VPS37A: variants seen among roughly 807,000 people sequenced by gnomAD.
The protein encoded by VPS37A is vacuolar protein sorting-associated protein 37A.
A neutral mutation model predicts 49.8 loss-of-function variants in VPS37A; 30 were observed. That is an observed-to-expected ratio of 0.60 (90% CI 0.45 to 0.82). The LOEUF is 0.82. VPS37A is among the 40% of genes least tolerant of loss of function. The pLI is 0.00. For missense variants in VPS37A, 593 were observed against 464.4 expected, an observed-to-expected ratio of 1.28 and a Z score of -2.55; for synonymous variants, 195 against 160.6, an observed-to-expected ratio of 1.21 and a Z score of -1.62.
rs563708545 is a variant in VPS37A, at chr8:17,270,989, G to A, written c.416+2033G>A. On this transcript the variant is annotated intron_variant, in intron 4 of 11. Coordinates refer to ENST00000324849, the MANE Select transcript of VPS37A (RefSeq NM_152415.3). ...ACTGTACAATGGTAGAACAAGCCTC[G>A]GGTAACCACTATAGATTCCAAAAGA... is the stretch of plus-strand genomic sequence containing the variant. Among the ~76,000 whole-genome samples the A allele has an allele frequency of 1.1e-4, 17 of 152,246 alleles. No homozygotes were observed. The South Asian group carries it at 2.7e-3, about 24-fold the overall frequency.
chr8:17,292,338 C>G (rs143964626), intron 11 of VPS37A, among the ~76,000 whole-genome samples: 10,157 of 152,224 alleles, frequency 0.067, 474 homozygotes, highest in Non-Finnish European at 0.1. Flanking sequence ...TCCTCCATCC[C>G]TTTATTTTAA....
At chr8:17,250,203 A>G (rs934417243) in intron 1 of VPS37A, among the ~76,000 whole-genome samples, 1 of 152,184 alleles carries the variant, frequency 6.6e-6, no homozygotes, top group Admixed American at 6.5e-5. Context: ...GGAGGTGGTC[A>G]GAGAGAGCTT....
intron 9 of VPS37A, among the ~76,000 whole-genome samples, chr8:17,284,152 G>T (rs1050051362): frequency 3.3e-5 from 5 of 152,198 alleles, no homozygotes; most frequent in Non-Finnish European, 5.9e-5. Context: ...AGGAGGTGAG[G>T]TCATTAGTGG....
chr8:17,279,856 T>G, intron 6 of VPS37A, 172 bp from the exon 7 acceptor site: 1 of 766,934 alleles, frequency 1.3e-6, no homozygotes, highest in Non-Finnish European at 2.2e-6. Context: ...CTATGTTCCA[T>G]TGTGGTTGAT....
At chr8:17,252,289 C>G (rs1026384560) in intron 1 of VPS37A, among the ~76,000 whole-genome samples, 4 of 152,198 alleles carry the variant, frequency 2.6e-5, no homozygotes, top group African/African-American at 7.2e-5. Context: ...GTAGCTGGAA[C>G]TACAGGCACA....
Position 17,277,614 on chromosome 8 carries a change from T to C in VPS37A, c.713+1147T>C, listed in dbSNP as rs563290423. ...TTAACCCATCAATTCTTCAGTAAAT[T>C]TTTCTACCAGGTAAGGATTTTCTTT... On this transcript the variant is annotated intron_variant, in intron 6 of 11. Coordinates refer to ENST00000324849, the MANE Select transcript of VPS37A (RefSeq NM_152415.3). Among the ~76,000 whole-genome samples the C allele has an allele frequency of 6.0e-4, 92 of 152,072 alleles. 1 individual carries two copies. In the South Asian group the frequency reaches 0.018, roughly 30 times the overall value.
chr8:17,293,237 C>T (rs190538480), intron 11 of VPS37A, among the ~76,000 whole-genome samples: 48 of 151,174 alleles, frequency 3.2e-4, no homozygotes, highest in African/African-American at 1.1e-3. Context: ...TCTGCTTGAT[C>T]GATTGGGCTG....
chr8:17,285,967 A>G (rs1183978128), intron 10 of VPS37A, among the ~76,000 whole-genome samples: 2 of 152,146 alleles, frequency 1.3e-5, no homozygotes, highest in Non-Finnish European at 2.9e-5. Flanking sequence ...TATCTTCAAC[A>G]TTCAATTATT....
At chr8:17,325,683 C>T in the VPS37A span, among the ~76,000 whole-genome samples, 1 of 152,186 alleles carries the variant, frequency 6.6e-6, no homozygotes, top group South Asian at 2.1e-4. Flanking sequence ...TGAGAAAATA[C>T]CCAAAGGCCT....
the VPS37A span, among the ~76,000 whole-genome samples, chr8:17,328,395 T>TC: frequency 6.6e-6 from 1 of 152,144 alleles, no homozygotes; most frequent in South Asian, 2.1e-4. Context: ...AAGGGACTAT[T>TC]CCAGGCTCTT....
intron 11 of VPS37A, among the ~76,000 whole-genome samples, chr8:17,292,811 T>G (rs1816272639): frequency 6.6e-6 from 1 of 152,258 alleles, no homozygotes; most frequent in Non-Finnish European, 1.5e-5. Context: ...ATAGGGTTTC[T>G]GCAGAGAGAT....
the VPS37A span, among the ~76,000 whole-genome samples, chr8:17,320,099 TTAAA>T: frequency 3.3e-5 from 5 of 152,008 alleles, no homozygotes; most frequent in African/African-American, 9.7e-5. Context: ...ATAGACGGGG[TTAAA>T]TAAAATACAT....
chr8:17,330,084 A>G, the VPS37A span, among the ~76,000 whole-genome samples: 1 of 152,224 alleles, frequency 6.6e-6, no homozygotes, highest in Non-Finnish European at 1.5e-5. Flanking sequence ...AAGTTTCATA[A>G]TGACTGAGAT....
chr8:17,283,753 T>A (rs988022435), intron 9 of VPS37A, among the ~76,000 whole-genome samples: 5 of 152,222 alleles, frequency 3.3e-5, no homozygotes, highest in Non-Finnish European at 5.9e-5. Context: ...GTAACTTTGT[T>A]AGTAACTTGA....
At chr8:17,289,953 C>A (rs1815984859) in intron 11 of VPS37A, among the ~76,000 whole-genome samples, 1 of 152,080 alleles carries the variant, frequency 6.6e-6, no homozygotes, top group South Asian at 2.1e-4. Flanking sequence ...GTATTTTATT[C>A]TCTTTGAAGC....
chr8:17,279,696 T>A (rs547937263), intron 6 of VPS37A: 2 of 421,830 alleles, frequency 4.7e-6, no homozygotes, highest in Non-Finnish European at 9.3e-6. Flanking sequence ...TTACCTGAGT[T>A]AAGTTGACTT....
the VPS37A span, among the ~76,000 whole-genome samples, chr8:17,317,868 C>T: frequency 6.6e-6 from 1 of 152,032 alleles, no homozygotes. Context: ...ATTTTTGTTT[C>T]CATGACCTCC....
At chr8:17,267,788 A>G (rs971603594) in intron 2 of VPS37A, among the ~76,000 whole-genome samples, 2 of 152,154 alleles carry the variant, frequency 1.3e-5, no homozygotes, top group Non-Finnish European at 2.9e-5. Flanking sequence ...TAGCCTCCCA[A>G]GTAACTGGGA....
At chr8:17,309,180 C>G in the VPS37A span, 5 of 847,180 alleles carry the variant, frequency 5.9e-6, no homozygotes, top group East Asian at 9.9e-5. Context: ...GACACAAACT[C>G]AAAAAACAAG....
Sources: gnomAD v4.1 joint callset for allele counts (sites outside exome capture counted in the v4.1 genomes callset) on GRCh38, gnomAD v4.1.1 for gene constraint, MANE v1.5 for transcripts, NCBI Gene and HGNC (gene_info 2026-07-23, HGNC 2026-07-21) for gene names.